LRRC7: variants seen among roughly 807,000 people sequenced by gnomAD.
The protein encoded by LRRC7 is leucine rich repeat containing 7.
Under a neutral mutation model 175.7 loss-of-function variants are expected in LRRC7, and 23 were observed. The ratio of observed to expected loss-of-function variants is 0.13; its 90% confidence interval spans 0.09 to 0.19. LRRC7 has a LOEUF of 0.19. LRRC7 is among the 10% of genes least tolerant of loss of function. The pLI is 1.00. For synonymous variants in LRRC7, 685 were observed against 680.9 expected (o/e 1.01, Z -0.09); for missense variants, 1,354 against 1,904.7 (o/e 0.71, Z 5.38).
chr1:69,801,817 C>A (rs551799843), intron 4 of LRRC7, among the ~76,000 whole-genome samples: 1 of 148,446 alleles, frequency 6.7e-6, no homozygotes, highest in East Asian at 2.0e-4. Context: ...AGTCTGTGAC[C>A]TTTCTATTTT....
rs560492488 is a variant in LRRC7 at position 70,136,042 on chromosome 1, T to C, written c.*14155T>C. On this transcript the variant is annotated 3_prime_UTR_variant, in exon 27 of 27. Coordinates refer to ENST00000651989, the MANE Select transcript of LRRC7 (RefSeq NM_001370785.2). ...AGAAATTCAAACTTGGGAATTAATA[T>C]CTCTCTCTCTCTGTGTGTGTCTGTG... Among the ~76,000 whole-genome samples the C allele has an allele frequency of 5.2e-5, 7 of 134,580 alleles. No homozygotes were observed. In the East Asian group the frequency reaches 1.5e-3, roughly 29 times the overall value. The allele number at this position is 134,580 out of a possible 152,430, so 88.3% of individuals were successfully genotyped here.
intron 1 of LRRC7, among the ~76,000 whole-genome samples, chr1:69,627,917 A>G (rs1651864955): frequency 7.0e-6 from 1 of 143,572 alleles, no homozygotes; most frequent in African/African-American, 2.5e-5. Flanking sequence ...ATTCCAACAT[A>G]ATCAGTTTTT....
intron 3 of LRRC7, among the ~76,000 whole-genome samples, chr1:69,787,553 T>C (rs942435732): frequency 6.6e-6 from 1 of 152,210 alleles, no homozygotes; most frequent in Non-Finnish European, 1.5e-5. Context: ...TTTGGACTTC[T>C]GTGTACTTGC....
intron 6 of LRRC7, among the ~76,000 whole-genome samples, chr1:69,836,694 C>A (rs948185879): frequency 6.6e-6 from 1 of 151,712 alleles, no homozygotes; most frequent in East Asian, 1.9e-4. Context: ...TTCTGTACTC[C>A]TAAAAGCCAA....
At chr1:70,091,893 T>G (rs1260808988) in intron 25 of LRRC7, among the ~76,000 whole-genome samples, 2 of 152,150 alleles carry the variant, frequency 1.3e-5, no homozygotes, top group Non-Finnish European at 2.9e-5. Context: ...TAAATCTCTA[T>G]TATTATAAAA....
chr1:70,135,172 A>AT lies in LRRC7; in HGVS notation c.*13292dup, dbSNP rs1242354578. Among the ~76,000 whole-genome samples, 1 of 151,732 alleles carries AT rather than the reference A, an allele frequency of 6.6e-6. No homozygotes were observed. The highest frequency in any genetic ancestry group is 2.4e-5 in the African/African-American group (1 of 41,250). ...TTTTGGTATCCACTATTAGCGAAGTATTTTTTTCTTTGTCTTCTATGGATA... is the reference window on the plus strand; with the variant it reads ...TTTTGGTATCCACTATTAGCGAAGTATTTTTTTTCTTTGTCTTCTATGGATA... On this transcript the variant is annotated 3_prime_UTR_variant, in exon 27 of 27. Coordinates refer to ENST00000651989, the MANE Select transcript of LRRC7 (RefSeq NM_001370785.2).
chr1:69,722,656 G>A (rs971248517), intron 2 of LRRC7, among the ~76,000 whole-genome samples: 11 of 151,856 alleles, frequency 7.2e-5, no homozygotes, highest in South Asian at 2.1e-4. Flanking sequence ...CATTTTTCTC[G>A]TTCTGCCAGG....
chr1:69,950,939 T>C (rs1649846829), intron 8 of LRRC7, among the ~76,000 whole-genome samples: 1 of 152,040 alleles, frequency 6.6e-6, no homozygotes, highest in Non-Finnish European at 1.5e-5. Flanking sequence ...GAAACAGTTC[T>C]GAACACACTG....
intron 1 of LRRC7, among the ~76,000 whole-genome samples, chr1:69,608,852 CTCTCTCTCTCTCTCTATA>C (rs1372097309): frequency 0.017 from 729 of 43,424 alleles, no homozygotes; most frequent in East Asian, 0.022. Context: ...CTCTCTCTCT[CTCTCTCTCTCTCTCTATA>C]TATATATATA....
intron 23 of LRRC7, among the ~76,000 whole-genome samples, chr1:70,068,063 GCTT>G (rs1299220738): frequency 3.9e-5 from 6 of 152,134 alleles, no homozygotes; most frequent in South Asian, 2.1e-4. Context: ...AATAAGAACA[GCTT>G]CTTTTTTCTT....
intron 1 of LRRC7, among the ~76,000 whole-genome samples, chr1:69,657,192 G>T (rs1354921304): frequency 6.6e-6 from 1 of 151,594 alleles, no homozygotes; most frequent in African/African-American, 2.4e-5. Flanking sequence ...GCATTTCTAT[G>T]TTACTAATGT....
chr1:69,710,494 A>G (rs1478156424), intron 2 of LRRC7, among the ~76,000 whole-genome samples: 1 of 152,130 alleles, frequency 6.6e-6, no homozygotes, highest in Non-Finnish European at 1.5e-5. Context: ...GTTTAAAGGT[A>G]ACAATGAAAG....
intron 7 of LRRC7, among the ~76,000 whole-genome samples, chr1:69,923,096 T>C (rs1203596918): frequency 1.3e-5 from 2 of 152,116 alleles, no homozygotes; most frequent in African/African-American, 2.4e-5. Context: ...CGATAGTTTA[T>C]TGAGAATGAT....
At chr1:69,742,130 G>C (rs1668778445) in intron 2 of LRRC7, among the ~76,000 whole-genome samples, 1 of 151,944 alleles carries the variant, frequency 6.6e-6, no homozygotes, top group African/African-American at 2.4e-5. Context: ...AATCCTTAAG[G>C]TTATAAATTG....
intron 11 of LRRC7, among the ~76,000 whole-genome samples, chr1:70,006,564 G>A (rs1307542322): frequency 6.6e-6 from 1 of 151,898 alleles, no homozygotes; most frequent in African/African-American, 2.4e-5. Context: ...GATCGCTGAT[G>A]TGTATGGGAT....
intron 1 of LRRC7, among the ~76,000 whole-genome samples, chr1:69,604,720 G>A (rs531462277): frequency 1.3e-5 from 2 of 151,844 alleles, no homozygotes; most frequent in African/African-American, 4.8e-5. Flanking sequence ...CATTCCCTGG[G>A]TTTGCTTACA....
At chr1:69,781,733 AAG>A (rs755676231) in intron 3 of LRRC7, among the ~76,000 whole-genome samples, 803 of 23,500 alleles carry the variant, frequency 0.034, 91 homozygotes, top group Middle Eastern at 0.05. Flanking sequence ...GAAAGAAAGA[AAG>A]AGAGAGAGAG....
intron 1 of LRRC7, among the ~76,000 whole-genome samples, chr1:69,604,198 A>C (rs557641696): frequency 6.6e-6 from 1 of 152,264 alleles, no homozygotes; most frequent in Non-Finnish European, 1.5e-5. Flanking sequence ...TCAAATTCAA[A>C]ATCTAAAACT....
chr1:69,617,760 C>T (rs973045886), intron 1 of LRRC7, among the ~76,000 whole-genome samples: 1 of 151,946 alleles, frequency 6.6e-6, no homozygotes, highest in African/African-American at 2.4e-5. Context: ...AGGGTGTACT[C>T]ACTCCTCCTC....
Sources: allele counts gnomAD v4.1 joint callset (sites outside exome capture counted in the v4.1 genomes callset), GRCh38; gene constraint gnomAD v4.1.1; transcripts MANE v1.5; gene names NCBI Gene and HGNC (gene_info 2026-07-23, HGNC 2026-07-21).